The following TMEM117 variants were observed in gnomAD, a reference collection of about 807,000 sequenced individuals.
The protein encoded by TMEM117 is transmembrane protein 117.
In TMEM117, 27 loss-of-function variants were observed where a neutral mutation model predicts 52.4. The observed-to-expected ratio is 0.51, with a 90% confidence interval of 0.38 to 0.71. The LOEUF is 0.71. TMEM117 is among the 30% of genes least tolerant of loss of function. The pLI is 0.00. For synonymous variants in TMEM117, 215 were observed against 206.3 expected, an observed-to-expected ratio of 1.04 and a Z score of -0.36; for missense variants, 556 against 630.5, an observed-to-expected ratio of 0.88 and a Z score of 1.26.
At chr12:44,345,251 C>T (rs1951469807) in intron 6 of TMEM117, among the ~76,000 whole-genome samples, 2 of 151,896 alleles carry the variant, frequency 1.3e-5, no homozygotes, top group Non-Finnish European at 2.9e-5. Flanking sequence ...AGTTTTCTGG[C>T]GGGAATATTG....
At chr12:43,925,309 T>C (rs1039245931) in intron 2 of TMEM117, among the ~76,000 whole-genome samples, 1 of 152,150 alleles carries the variant, frequency 6.6e-6, no homozygotes, top group Non-Finnish European at 1.5e-5. Flanking sequence ...AAATTTTTTT[T>C]TTTTTGTTAA....
intron 5 of TMEM117, among the ~76,000 whole-genome samples, chr12:44,275,411 G>A (rs561964677): frequency 5.3e-5 from 8 of 152,132 alleles, no homozygotes; most frequent in South Asian, 2.1e-4. Flanking sequence ...ACTAAAAATA[G>A]AGCTACCATA....
At chr12:44,132,997 GT>G (rs1948438510) in intron 3 of TMEM117, among the ~76,000 whole-genome samples, 1 of 152,230 alleles carries the variant, frequency 6.6e-6, no homozygotes, top group South Asian at 2.1e-4. Flanking sequence ...ACAAGAACAA[GT>G]AAAAGTGAAA....
At chr12:44,034,428 T>C (rs1946680615) in intron 3 of TMEM117, among the ~76,000 whole-genome samples, 1 of 152,218 alleles carries the variant, frequency 6.6e-6, no homozygotes, top group Non-Finnish European at 1.5e-5. Context: ...ATAATTGATA[T>C]TAACAGTATA....
chr12:44,100,605 T>C (rs143246770), intron 3 of TMEM117, among the ~76,000 whole-genome samples: 1 of 152,220 alleles, frequency 6.6e-6, no homozygotes, highest in East Asian at 1.9e-4. Context: ...CTCTTTTGTC[T>C]GTAACATCCC....
intron 2 of TMEM117, among the ~76,000 whole-genome samples, chr12:43,902,005 A>G (rs2137507203): frequency 6.6e-6 from 1 of 152,354 alleles, no homozygotes; most frequent in East Asian, 1.9e-4. Flanking sequence ...TTGGGAAGAC[A>G]TTTGCTTACT....
At chr12:44,398,090 T>G in the TMEM117 span, among the ~76,000 whole-genome samples, 15,224 of 151,146 alleles carry the variant, frequency 0.1, 1,316 homozygotes, top group African/African-American at 0.24. Flanking sequence ...TGTTTTTTTT[T>G]TTTGTTTGTT....
At chr12:44,151,078 T>G (rs1346361678) in intron 4 of TMEM117, among the ~76,000 whole-genome samples, 1 of 152,122 alleles carries the variant, frequency 6.6e-6, no homozygotes, top group Non-Finnish European at 1.5e-5. Context: ...GAAAGGCACC[T>G]AGGAAAATTC....
intron 3 of TMEM117, among the ~76,000 whole-genome samples, chr12:44,137,517 C>T (rs1948508423): frequency 6.6e-6 from 1 of 151,956 alleles, no homozygotes; most frequent in East Asian, 1.9e-4. Context: ...TTGTCTTAGT[C>T]CATTTTCACG....
chr12:44,162,984 C>T (rs1318528956), intron 4 of TMEM117, among the ~76,000 whole-genome samples: 1 of 152,216 alleles, frequency 6.6e-6, no homozygotes, highest in African/African-American at 2.4e-5. Flanking sequence ...ACAACACTAA[C>T]AGGAAGATCA....
chr12:44,170,974 A>G (rs1054770391), intron 4 of TMEM117, among the ~76,000 whole-genome samples: 1 of 150,206 alleles, frequency 6.7e-6, no homozygotes, highest in East Asian at 2.0e-4. Flanking sequence ...CTGAGATCTG[A>G]TCCAGTATTC....
chr12:44,276,861 GAGA>G (rs1028092079), intron 5 of TMEM117, among the ~76,000 whole-genome samples: 176 of 150,770 alleles, frequency 1.2e-3, no homozygotes, highest in African/African-American at 3.9e-3. Context: ...TTTTTCCTTT[GAGA>G]AGTTCTTTTT....
At chr12:43,842,792 C>T (rs1308748663) in intron 1 of TMEM117, among the ~76,000 whole-genome samples, 2 of 151,996 alleles carry the variant, frequency 1.3e-5, no homozygotes, top group Non-Finnish European at 2.9e-5. Flanking sequence ...AGATATATTA[C>T]AGAGTTATTA....
At chr12:43,922,886 A>G (rs1944718470) in intron 2 of TMEM117, among the ~76,000 whole-genome samples, 1 of 152,188 alleles carries the variant, frequency 6.6e-6, no homozygotes, top group Non-Finnish European at 1.5e-5. Context: ...ACAGAAATAA[A>G]GCCTGTGGTT....
chr12:43,843,116 TC>T (rs1943142447), intron 1 of TMEM117, among the ~76,000 whole-genome samples: 1 of 152,144 alleles, frequency 6.6e-6, no homozygotes, highest in African/African-American at 2.4e-5. Flanking sequence ...CACGCAGACA[TC>T]CAGCACAGAG....
chr12:43,839,165 G>C (rs1036609040), intron 1 of TMEM117, among the ~76,000 whole-genome samples: 2 of 152,122 alleles, frequency 1.3e-5, no homozygotes, highest in Non-Finnish European at 2.9e-5. Flanking sequence ...CCAAGTTGCT[G>C]CATCTTTGGC....
At chr12:43,919,361 G>A (rs1244712877) in intron 2 of TMEM117, among the ~76,000 whole-genome samples, 1 of 152,122 alleles carries the variant, frequency 6.6e-6, no homozygotes, top group Non-Finnish European at 1.5e-5. Context: ...GACTGTTGTA[G>A]ATACTTCATA....
chr12:44,257,307 A>G (rs1950270669), intron 5 of TMEM117, among the ~76,000 whole-genome samples: 1 of 151,630 alleles, frequency 6.6e-6, no homozygotes, highest in South Asian at 2.1e-4. Flanking sequence ...GATTCTTCTC[A>G]CCCTTTTGAC....
intron 6 of TMEM117, among the ~76,000 whole-genome samples, chr12:44,354,900 G>A (rs1043469153): frequency 4.6e-5 from 7 of 151,932 alleles, no homozygotes; most frequent in African/African-American, 7.2e-5. Context: ...TTAGTCACAG[G>A]AAGAAATTTT....
Sources: gnomAD v4.1 joint callset for allele counts (sites outside exome capture counted in the v4.1 genomes callset) on GRCh38, gnomAD v4.1.1 for gene constraint, MANE v1.5 for transcripts, NCBI Gene and HGNC (gene_info 2026-07-23, HGNC 2026-07-21) for gene names.